Variants in PGAP4 observed in about 807,000 individuals in gnomAD.
PGAP4 encodes the protein post-GPI attachment to proteins GalNAc transferase 4.
PGAP4 carries 12 observed loss-of-function variants against 28.2 expected under a neutral mutation model. The ratio of observed to expected loss-of-function variants is 0.42; its 90% confidence interval spans 0.27 to 0.69. PGAP4 has a LOEUF of 0.69. PGAP4 is among the 30% of genes least tolerant of loss of function. The probability of loss-of-function intolerance (pLI) is 0.22; values close to 1 mark genes in which losing one functional copy is unlikely to be tolerated. For missense variants in PGAP4, 425 were observed against 513.5 expected (o/e 0.83, Z 1.67); for synonymous variants, 205 against 211.8 (o/e 0.97, Z 0.28).
intron 2 of PGAP4, among the ~76,000 whole-genome samples, chr9:101,510,311 G>T (rs1038020717): frequency 6.6e-6 from 1 of 152,258 alleles, no homozygotes; most frequent in Admixed American, 6.5e-5. Flanking sequence ...TAGCCACCAA[G>T]AATTATTCTG....
chr9:101,531,666 T>G (rs893431161), intron 1 of PGAP4: 5 of 152,198 alleles, frequency 3.3e-5, no homozygotes, highest in Non-Finnish European at 7.3e-5. Context: ...ACTTAGTATT[T>G]AAGACAATCC....
chr9:101,504,138 A>G (rs1826827256), intron 2 of PGAP4, among the ~76,000 whole-genome samples: 1 of 147,872 alleles, frequency 6.8e-6, no homozygotes. Flanking sequence ...TTTATCCCTT[A>G]CTATGAAAGT....
At chr9:101,525,581 C>T (rs1827028588) in intron 2 of PGAP4, among the ~76,000 whole-genome samples, 1 of 151,416 alleles carries the variant, frequency 6.6e-6, no homozygotes. Context: ...GTGACAGGTG[C>T]CTGTAATCTC....
chr9:101,475,755 C>T lies in PGAP4; in HGVS notation c.*126G>A, dbSNP rs1422268535. The T allele has an allele frequency of 2.8e-6, 3 of 1,069,300 alleles. No homozygotes were observed. The highest frequency in any genetic ancestry group is 4.8e-5 in the Admixed American group (2 of 41,798). 66.2% of individuals were successfully genotyped at this position (1,069,300 alleles called of 1,614,324 possible). A position where few individuals can be genotyped will look rare whatever the true frequency, so the allele number is the denominator to read the frequency against. ...TTAACATATTGAGGTTCCTCAGCTGCCCCAGTGCCTATATCTCTAACAACA... is the reference window on the plus strand; with the variant it reads ...TTAACATATTGAGGTTCCTCAGCTGTCCCAGTGCCTATATCTCTAACAACA... On this transcript the variant is annotated 3_prime_UTR_variant, in exon 2 of 2. Coordinates refer to ENST00000374848, the MANE Select transcript of PGAP4 (RefSeq NM_032342.3).
At chr9:101,502,509 A>G (rs1023249507) in intron 2 of PGAP4, among the ~76,000 whole-genome samples, 10 of 152,050 alleles carry the variant, frequency 6.6e-5, no homozygotes, top group African/African-American at 1.4e-4. Context: ...AATACCTCCA[A>G]TGACAGACAT....
intron 2 of PGAP4, among the ~76,000 whole-genome samples, chr9:101,512,101 C>T (rs1218755870): frequency 6.6e-6 from 1 of 152,062 alleles, no homozygotes; most frequent in African/African-American, 2.4e-5. Flanking sequence ...TGGGTGAGAG[C>T]CTGACCAAAA....
intron 2 of PGAP4, among the ~76,000 whole-genome samples, chr9:101,530,767 C>T (rs1827081434): frequency 6.6e-6 from 1 of 152,156 alleles, no homozygotes; most frequent in African/African-American, 2.4e-5. Flanking sequence ...ACAGATCTCA[C>T]CAGTAGCTGC....
At chr9:101,531,168 CCTCT>C (rs1307152413) in intron 2 of PGAP4, 2 of 145,782 alleles carry the variant, frequency 1.4e-5, no homozygotes, top group East Asian at 4.1e-4. Flanking sequence ...TTATAATGTC[CCTCT>C]CTCTCTTTCT....
At chr9:101,495,200 A>G (rs1257171706) in intron 2 of PGAP4, among the ~76,000 whole-genome samples, 1 of 94,940 alleles carries the variant, frequency 1.1e-5, no homozygotes, top group Non-Finnish European at 2.0e-5. Context: ...AATATAAAAT[A>G]TATCTTATAT....
chr9:101,477,019 A>T lies in PGAP4; in HGVS notation c.74T>A (p.Val25Asp). ...LRRLSWGSTA[V>D]QLFILTVVTF... ...CACCACTGTTAGGATGAAGAGCTGG[A>T]CAGCAGTGCTGCCCCAGGAGAGTCG... The change falls in exon 2 of 2, where the codon GTC becomes GAC. Residue 25 changes from valine (V) to aspartate (D), a missense_variant. Transcript: ENST00000374848. 2 of 1,613,486 alleles carry T rather than the reference A, an allele frequency of 1.2e-6. No homozygotes were observed. Among genetic ancestry groups the T allele is most frequent in the Non-Finnish European group, 1.7e-6 (2 of 1,179,890 alleles).
At chr9:101,496,418 T>C (rs1826748650) in intron 2 of PGAP4, among the ~76,000 whole-genome samples, 1 of 151,646 alleles carries the variant, frequency 6.6e-6, no homozygotes, top group Non-Finnish European at 1.5e-5. Flanking sequence ...TATTTTAGAA[T>C]TAAAAATCAA....
At chr9:101,495,149 T>C (rs1204128587) in intron 2 of PGAP4, among the ~76,000 whole-genome samples, 2 of 96,150 alleles carry the variant, frequency 2.1e-5, no homozygotes, top group Admixed American at 3.1e-4. Context: ...AGATTTTATA[T>C]ATATTATATA....
chr9:101,515,402 G>A (rs7046451), intron 2 of PGAP4, among the ~76,000 whole-genome samples: 18,925 of 151,750 alleles, frequency 0.12, 1,372 homozygotes, highest in African/African-American at 0.16. Flanking sequence ...AGATCACGTC[G>A]GCAAAGACCC....
At chr9:101,493,051 G>A (rs535667694) in intron 2 of PGAP4, among the ~76,000 whole-genome samples, 1 of 151,906 alleles carries the variant, frequency 6.6e-6, no homozygotes, top group Non-Finnish European at 1.5e-5. Flanking sequence ...TCAAGAGATC[G>A]AGACCATCCT....
intron 2 of PGAP4, among the ~76,000 whole-genome samples, chr9:101,505,633 C>T (rs1181464045): frequency 5.3e-5 from 8 of 152,012 alleles, no homozygotes; most frequent in Non-Finnish European, 8.8e-5. Context: ...AGATAGTCCT[C>T]GAGTGACTTC....
chr9:101,508,011 T>C (rs935223144), intron 2 of PGAP4, among the ~76,000 whole-genome samples: 2 of 152,164 alleles, frequency 1.3e-5, no homozygotes, highest in Admixed American at 1.3e-4. Context: ...AATCCTACTT[T>C]GTTACCCTTA....
intron 2 of PGAP4, among the ~76,000 whole-genome samples, chr9:101,524,303 G>A (rs1484851052): frequency 5.3e-5 from 8 of 151,922 alleles, no homozygotes; most frequent in East Asian, 3.9e-4. Context: ...CATGCAAACC[G>A]AAGGGCTGGT....
At chr9:101,480,963 GC>G (rs1227305612) in intron 1 of PGAP4, among the ~76,000 whole-genome samples, 1 of 152,120 alleles carries the variant, frequency 6.6e-6, no homozygotes, top group African/African-American at 2.4e-5. Flanking sequence ...GATGGCTTGA[GC>G]CCAGGAGATT....
upstream of PGAP4, among the ~76,000 whole-genome samples, chr9:101,490,449 C>G (rs1442037597): frequency 2.0e-5 from 3 of 152,180 alleles, no homozygotes; most frequent in Non-Finnish European, 4.4e-5. Flanking sequence ...CTCAGCCTCC[C>G]AAAGTGCTGG....
Sources: allele counts gnomAD v4.1 joint callset (sites outside exome capture counted in the v4.1 genomes callset), GRCh38; gene constraint gnomAD v4.1.1; transcripts MANE v1.5; gene names NCBI Gene and HGNC (gene_info 2026-07-23, HGNC 2026-07-21).